Variants in PDE1A observed in about 807,000 individuals in gnomAD.
The protein encoded by PDE1A is phosphodiesterase 1A, also known as dual specificity calcium/calmodulin-dependent 3',5'-cyclic nucleotide phosphodiesterase 1A.
PDE1A carries 35 observed loss-of-function variants against 61.7 expected under a neutral mutation model. That is an observed-to-expected ratio of 0.57 (90% CI 0.43 to 0.75). The LOEUF (loss-of-function observed/expected upper bound fraction) is 0.75, where lower values mean the gene tolerates loss of function less well. Ranked by LOEUF, PDE1A falls within the 30% of genes least tolerant of loss-of-function variation. PDE1A has a pLI of 0.00. For missense variants in PDE1A, 597 were observed against 630.6 expected (o/e 0.95, Z 0.57); for synonymous variants, 232 against 213.2 (o/e 1.09, Z -0.77).
chr2:182,326,381 C>A (rs989875610), intron 1 of PDE1A, among the ~76,000 whole-genome samples: 1 of 152,100 alleles, frequency 6.6e-6, no homozygotes, highest in Non-Finnish European at 1.5e-5. Flanking sequence ...ATATTATTCA[C>A]CCTTAAAAAG....
rs73032441 is a variant in PDE1A at position 182,272,806 on chromosome 2, A to G, written c.54-8392T>C. ...CAAAATTGTGAAATATATGTATGAA[A>G]AAATACAATAATTATGAATCTAGGA... On this transcript the variant is annotated intron_variant, in intron 1 of 13. Transcript: ENST00000351439. Among the ~76,000 whole-genome samples, 1,406 of 152,280 alleles carry G rather than the reference A, an allele frequency of 9.2e-3. 19 individuals carry two copies. Among genetic ancestry groups the G allele is most frequent in the African/African-American group, 0.031 (1,308 of 41,566 alleles).
chr2:182,563,615 A>G, the PDE1A span, among the ~76,000 whole-genome samples: 6 of 151,998 alleles, frequency 3.9e-5, no homozygotes, highest in Admixed American at 6.6e-5. Context: ...TATCCTTGTT[A>G]ACTTTCTGTC....
rs138494006 is a variant in PDE1A, at chr2:182,369,101, G to A, written c.53+57477C>T. Among the ~76,000 whole-genome samples the A allele has an allele frequency of 1.3e-4, 20 of 151,830 alleles. No homozygotes were observed. In the South Asian group the frequency reaches 1.9e-3, roughly 14 times the overall value. On this transcript the variant is annotated intron_variant, in intron 1 of 13. Coordinates refer to ENST00000351439, the Ensembl canonical transcript of PDE1A. ...ATATATCACCTTAGATTACTTCCCC[G>A]TCTTTCTATCTCAAATTTGATCTGT...
At chr2:182,424,742 C>T (rs767625301) in intron 1 of PDE1A, among the ~76,000 whole-genome samples, 4 of 152,202 alleles carry the variant, frequency 2.6e-5, no homozygotes, top group Non-Finnish European at 5.9e-5. Context: ...TATTCTCCAT[C>T]TCCCTTTTCC....
chr2:182,271,923 T>C (rs540677134), intron 1 of PDE1A, among the ~76,000 whole-genome samples: 2 of 152,146 alleles, frequency 1.3e-5, no homozygotes, highest in South Asian at 4.1e-4. Context: ...GATTGATACA[T>C]GATGCAAAAA....
chr2:182,447,042 ATTACAC>A (rs1685185749), intron 2 of PDE1A, among the ~76,000 whole-genome samples: 1 of 151,848 alleles, frequency 6.6e-6, no homozygotes, highest in Admixed American at 6.6e-5. Flanking sequence ...AAACTCCAGA[ATTACAC>A]TTACAAGTTG....
At chr2:182,497,390 G>A (rs929486717) in intron 2 of PDE1A, among the ~76,000 whole-genome samples, 7 of 152,188 alleles carry the variant, frequency 4.6e-5, no homozygotes, top group African/African-American at 9.7e-5. Context: ...AGCAGTCAGG[G>A]AAGCAGAGTG....
chr2:182,479,110 A>C (rs1170413393), intron 2 of PDE1A, among the ~76,000 whole-genome samples: 1 of 151,928 alleles, frequency 6.6e-6, no homozygotes, highest in East Asian at 1.9e-4. Context: ...AAATGCAAAT[A>C]TATGTGAATA....
chr2:182,297,710 T>C (rs1030776787), intron 1 of PDE1A, among the ~76,000 whole-genome samples: 9 of 152,162 alleles, frequency 5.9e-5, no homozygotes, highest in African/African-American at 2.2e-4. Context: ...GCTAAATCTC[T>C]ACCTGAGAAC....
chr2:182,354,912 C>T (rs892741398), intron 1 of PDE1A, among the ~76,000 whole-genome samples: 14 of 151,940 alleles, frequency 9.2e-5, no homozygotes, highest in South Asian at 2.1e-4. Flanking sequence ...GTTCCTGGAC[C>T]CTGTCCAACA....
At chr2:182,218,859 G>A (rs966169184) in intron 7 of PDE1A, among the ~76,000 whole-genome samples, 2 of 152,026 alleles carry the variant, frequency 1.3e-5, no homozygotes, top group African/African-American at 4.8e-5. Context: ...CATTATTATA[G>A]TTTAAATGTG....
chr2:182,342,698 A>G (rs2125048696), intron 1 of PDE1A, among the ~76,000 whole-genome samples: 1 of 152,364 alleles, frequency 6.6e-6, no homozygotes, highest in African/African-American at 2.4e-5. Context: ...TGAAAAACAA[A>G]ACAAACACAC....
chr2:182,639,702 C>A, the PDE1A span, among the ~76,000 whole-genome samples: 1 of 151,302 alleles, frequency 6.6e-6, no homozygotes, highest in African/African-American at 2.4e-5. Flanking sequence ...GAAATGAAAA[C>A]AAAATTTAAA....
At chr2:182,338,486 G>A (rs756110412) in intron 1 of PDE1A, among the ~76,000 whole-genome samples, 1 of 152,076 alleles carries the variant, frequency 6.6e-6, no homozygotes, top group Non-Finnish European at 1.5e-5. Flanking sequence ...AGCTATCACT[G>A]ATTCCACCCT....
At chr2:182,631,405 C>T in the PDE1A span, among the ~76,000 whole-genome samples, 1 of 152,116 alleles carries the variant, frequency 6.6e-6, no homozygotes, top group African/African-American at 2.4e-5. Flanking sequence ...GTGCACTGCA[C>T]CCACTAACTC....
chr2:182,464,426 A>G (rs372139202), intron 2 of PDE1A, among the ~76,000 whole-genome samples: 1 of 152,102 alleles, frequency 6.6e-6, no homozygotes, highest in Non-Finnish European at 1.5e-5. Context: ...TAAAAAGGAA[A>G]TATTAGGGGT....
intron 13 of PDE1A, among the ~76,000 whole-genome samples, chr2:182,156,730 A>T (rs1380291577): frequency 1.3e-5 from 2 of 152,182 alleles, no homozygotes; most frequent in East Asian, 3.8e-4. Flanking sequence ...AACCAGCAGT[A>T]GAAGATAATC....
intron 1 of PDE1A, among the ~76,000 whole-genome samples, chr2:182,388,406 G>T (rs1265044618): frequency 6.6e-6 from 1 of 152,086 alleles, no homozygotes; most frequent in Non-Finnish European, 1.5e-5. Flanking sequence ...CATTCTCCAG[G>T]ACTGATTATA....
chr2:182,380,369 C>T (rs979199905), intron 1 of PDE1A, among the ~76,000 whole-genome samples: 5 of 151,904 alleles, frequency 3.3e-5, no homozygotes, highest in African/African-American at 1.2e-4. Flanking sequence ...GTCTCGGCCT[C>T]CCAAAGTGCT....
Sources: gnomAD v4.1 joint callset for allele counts (sites outside exome capture counted in the v4.1 genomes callset) on GRCh38, gnomAD v4.1.1 for gene constraint, MANE v1.5 for transcripts, NCBI Gene and HGNC (gene_info 2026-07-23, HGNC 2026-07-21) for gene names.